MECOM: variants seen among roughly 807,000 people sequenced by gnomAD.
MECOM encodes MDS1 and EVI1 complex locus.
A neutral mutation model predicts 116.3 loss-of-function variants in MECOM; 13 were observed. That is an observed-to-expected ratio of 0.11 (90% CI 0.07 to 0.18). MECOM has a LOEUF of 0.18. Among genes scored for constraint, MECOM ranks in the 10% least tolerant of loss-of-function variants. The pLI, the probability that MECOM is intolerant of heterozygous loss-of-function variation, is 1.00. For synonymous variants in MECOM, 528 were observed against 535.2 expected, an observed-to-expected ratio of 0.99 and a Z score of 0.19; for missense variants, 1,299 against 1,509.0, an observed-to-expected ratio of 0.86 and a Z score of 2.31.
At chr3:169,199,233 T>C (rs967323664) in intron 2 of MECOM, among the ~76,000 whole-genome samples, 11 of 152,048 alleles carry the variant, frequency 7.2e-5, no homozygotes, top group African/African-American at 2.4e-4. Context: ...TAGAACCTGC[T>C]TTGAGGTTAC....
intron 2 of MECOM, among the ~76,000 whole-genome samples, chr3:169,170,366 C>T (rs1744225001): frequency 7.0e-6 from 1 of 143,512 alleles, no homozygotes; most frequent in South Asian, 2.2e-4. Flanking sequence ...AAGATCGCAC[C>T]ACTGCACTCC....
chr3:169,435,832 AG>A (rs1742540297), intron 1 of MECOM, among the ~76,000 whole-genome samples: 1 of 152,220 alleles, frequency 6.6e-6, no homozygotes, highest in Non-Finnish European at 1.5e-5. Context: ...TATAAAAACA[AG>A]CAGACAATAG....
At chr3:169,313,833 T>G (rs1196123154) in intron 2 of MECOM, among the ~76,000 whole-genome samples, 1 of 152,026 alleles carries the variant, frequency 6.6e-6, no homozygotes, top group African/African-American at 2.4e-5. Context: ...AGTTGAGAAG[T>G]AAGAGAGGTA....
At chr3:169,095,908 C>T (rs555210649) in intron 12 of MECOM, among the ~76,000 whole-genome samples, 5 of 152,244 alleles carry the variant, frequency 3.3e-5, no homozygotes, top group Non-Finnish European at 7.4e-5. Flanking sequence ...TTCCATTTAT[C>T]TCCCTTCCTA....
chr3:169,569,109 A>G (rs1272392509), intron 1 of MECOM, among the ~76,000 whole-genome samples: 2 of 152,146 alleles, frequency 1.3e-5, no homozygotes, highest in Admixed American at 6.5e-5. Context: ...CTCATGTTCA[A>G]AGATACACAT....
chr3:169,322,996 G>A (rs1721162703), intron 2 of MECOM, among the ~76,000 whole-genome samples: 1 of 43,722 alleles, frequency 2.3e-5, no homozygotes, highest in Admixed American at 4.6e-4. Flanking sequence ...CAAGACTCCG[G>A]TAAAAAAAAA....
At chr3:169,640,251 A>T (rs1773298965) in intron 1 of MECOM, among the ~76,000 whole-genome samples, 1 of 152,244 alleles carries the variant, frequency 6.6e-6, no homozygotes, top group Admixed American at 6.5e-5. Context: ...AATAATTAAG[A>T]CCCTAAAGAA....
chr3:169,424,367 AG>A (rs1312616451), intron 1 of MECOM, among the ~76,000 whole-genome samples: 1 of 152,128 alleles, frequency 6.6e-6, no homozygotes, highest in Non-Finnish European at 1.5e-5. Context: ...GTAAAACTTC[AG>A]GGAAGCTTTC....
At chr3:169,177,902 A>T (rs1745399752) in intron 2 of MECOM, among the ~76,000 whole-genome samples, 1 of 151,480 alleles carries the variant, frequency 6.6e-6, no homozygotes, top group Non-Finnish European at 1.5e-5. Context: ...CTGGGCGACA[A>T]GAGCTAGACT....
At chr3:169,243,711 A>G (rs561617000) in intron 2 of MECOM, among the ~76,000 whole-genome samples, 41 of 152,304 alleles carry the variant, frequency 2.7e-4, no homozygotes, top group African/African-American at 8.7e-4. Flanking sequence ...GAACCTGCCA[A>G]TATCAGTGAA....
At chr3:169,107,325 T>C (rs1233299411) in intron 10 of MECOM, among the ~76,000 whole-genome samples, 2 of 152,176 alleles carry the variant, frequency 1.3e-5, no homozygotes, top group Non-Finnish European at 2.9e-5. Context: ...AGCTATCCCC[T>C]AATATTATTA....
intron 3 of MECOM, among the ~76,000 whole-genome samples, chr3:169,135,237 T>C (rs1735999418): frequency 6.6e-6 from 1 of 152,008 alleles, no homozygotes; most frequent in African/African-American, 2.4e-5. Flanking sequence ...CAGTTAATAA[T>C]GGGTCTCTTC....
chr3:169,468,315 C>T (rs1748646610), intron 1 of MECOM, among the ~76,000 whole-genome samples: 1 of 152,116 alleles, frequency 6.6e-6, no homozygotes, highest in Non-Finnish European at 1.5e-5. Context: ...TCTAACTCTT[C>T]ATACAAGATC....
intron 1 of MECOM, among the ~76,000 whole-genome samples, chr3:169,484,240 T>C (rs1479207450): frequency 2.7e-5 from 4 of 149,398 alleles, no homozygotes; most frequent in Admixed American, 6.7e-5. Flanking sequence ...AAAGAAAGGA[T>C]GAAGAACAAA....
chr3:169,492,627 G>A (rs528364379), intron 1 of MECOM, among the ~76,000 whole-genome samples: 1 of 152,204 alleles, frequency 6.6e-6, no homozygotes, highest in Admixed American at 6.5e-5. Flanking sequence ...CTATAATACT[G>A]TTATTAAAGA....
chr3:169,468,342 T>C (rs531493249), intron 1 of MECOM, among the ~76,000 whole-genome samples: 2 of 152,314 alleles, frequency 1.3e-5, no homozygotes, highest in South Asian at 4.1e-4. Context: ...ACTGGTCTCA[T>C]GTTCTCTCTT....
intron 1 of MECOM, among the ~76,000 whole-genome samples, chr3:169,602,363 C>T (rs919744054): frequency 7.2e-5 from 11 of 152,158 alleles, no homozygotes; most frequent in Middle Eastern, 3.2e-3. Context: ...AGGCTGGAAT[C>T]GGGGGAAAGG....
chr3:169,611,301 C>T lies in MECOM; in HGVS notation c.37+52035G>A, dbSNP rs761993094. On this transcript the variant is annotated intron_variant, in intron 1 of 16. Coordinates refer to ENST00000651503, the MANE Select transcript of MECOM (RefSeq NM_004991.4). This position sits in a 1 kb window ranked among gnomAD's most constrained non-coding sequence, Gnocchi z 4.1. ...TTCCAATGCAATTTGTACATTATGCCGAATCATAATACAGGCCTTGTACTT... is the reference window on the plus strand; with the variant it reads ...TTCCAATGCAATTTGTACATTATGCTGAATCATAATACAGGCCTTGTACTT... Among the ~76,000 whole-genome samples, 18 of 152,144 alleles carry T rather than the reference C, an allele frequency of 1.2e-4. No homozygotes were observed. The highest frequency in any genetic ancestry group is 1.8e-4 in the Non-Finnish European group (12 of 68,028).
At chr3:169,488,697 T>A (rs979507323) in intron 1 of MECOM, among the ~76,000 whole-genome samples, 57 of 152,070 alleles carry the variant, frequency 3.7e-4, no homozygotes, top group Admixed American at 1.4e-3. Flanking sequence ...TTAGAAATTT[T>A]AAAGAATATT....
Sources: allele counts gnomAD v4.1 joint callset (sites outside exome capture counted in the v4.1 genomes callset), GRCh38; gene constraint gnomAD v4.1.1; non-coding constraint Gnocchi (gnomAD v3.1); transcripts MANE v1.5; gene names NCBI Gene and HGNC (gene_info 2026-07-23, HGNC 2026-07-21).